GALNT17: variants seen among roughly 807,000 people sequenced by gnomAD.
The protein encoded by GALNT17 is UDP-GalNAc:polypeptide N-acetylgalactosaminyltransferase-like 3.
A neutral mutation model predicts 63.7 loss-of-function variants in GALNT17; 29 were observed. The ratio of observed to expected loss-of-function variants is 0.46; its 90% CI spans 0.34 to 0.62. GALNT17 has a LOEUF of 0.62. GALNT17 is among the 20% of genes least tolerant of loss of function. The pLI is 0.01. For missense variants in GALNT17, 603 were observed against 799.6 expected (o/e 0.75, Z 2.97); for synonymous variants, 305 against 318.3 (o/e 0.96, Z 0.45).
chr7:71,539,124 G>A (rs1022778801), intron 5 of GALNT17, among the ~76,000 whole-genome samples: 1 of 152,072 alleles, frequency 6.6e-6, no homozygotes, highest in African/African-American at 2.4e-5. Context: ...CAGAGACAAA[G>A]TTTCACCATG....
chr7:71,205,740 T>C (rs1253019862), intron 1 of GALNT17, among the ~76,000 whole-genome samples: 1 of 152,126 alleles, frequency 6.6e-6, no homozygotes, highest in African/African-American at 2.4e-5. Flanking sequence ...TTCAGTAGAG[T>C]TTCAGGATAT....
intron 5 of GALNT17, among the ~76,000 whole-genome samples, chr7:71,458,039 G>A (rs992183819): frequency 3.3e-5 from 5 of 152,002 alleles, no homozygotes; most frequent in Admixed American, 6.6e-5. Context: ...CCAGTAGGGC[G>A]CTCTGTTCTC....
chr7:71,696,499 C>A (rs1791548071), intron 9 of GALNT17, among the ~76,000 whole-genome samples: 1 of 152,154 alleles, frequency 6.6e-6, no homozygotes, highest in Non-Finnish European at 1.5e-5. Context: ...AATAGGAAAG[C>A]AATTGCAAGC....
intron 1 of GALNT17, among the ~76,000 whole-genome samples, chr7:71,229,504 T>G (rs932328505): frequency 6.6e-6 from 1 of 152,206 alleles, no homozygotes; most frequent in African/African-American, 2.4e-5. Context: ...GTTGTGAGCT[T>G]GGCTCTCTGA....
At chr7:71,447,135 T>C (rs1371275211) in intron 5 of GALNT17, among the ~76,000 whole-genome samples, 1 of 152,176 alleles carries the variant, frequency 6.6e-6, no homozygotes, top group Non-Finnish European at 1.5e-5. Context: ...TTACCCAGAG[T>C]AAGCATTCGA....
At chr7:71,416,820 A>G (rs1042139484) in intron 4 of GALNT17, among the ~76,000 whole-genome samples, 3 of 152,148 alleles carry the variant, frequency 2.0e-5, no homozygotes, top group Admixed American at 2.0e-4. Flanking sequence ...AATGTATGGG[A>G]TTATCTTTCA....
intron 5 of GALNT17, among the ~76,000 whole-genome samples, chr7:71,511,689 A>G (rs1021717542): frequency 1.3e-5 from 2 of 152,166 alleles, no homozygotes; most frequent in African/African-American, 4.8e-5. Flanking sequence ...CATCTACTGG[A>G]AAACCATCAT....
At chr7:71,435,267 C>T (rs1365808553) in intron 5 of GALNT17, among the ~76,000 whole-genome samples, 1 of 152,220 alleles carries the variant, frequency 6.6e-6, no homozygotes, top group Non-Finnish European at 1.5e-5. Context: ...GTGACTCCAT[C>T]TTCCTTCTAA....
At chr7:71,611,725 G>A (rs1790128237) in intron 6 of GALNT17, among the ~76,000 whole-genome samples, 1 of 152,120 alleles carries the variant, frequency 6.6e-6, no homozygotes, top group Non-Finnish European at 1.5e-5. Context: ...ATTATCTAGT[G>A]CCATGAAAAT....
chr7:71,285,631 G>A (rs1790859463), intron 1 of GALNT17, among the ~76,000 whole-genome samples: 1 of 152,164 alleles, frequency 6.6e-6, no homozygotes, highest in East Asian at 1.9e-4. Context: ...AAGCTCTCAG[G>A]AATGGGACTG....
At chr7:71,149,109 G>A (rs927334320) in intron 1 of GALNT17, among the ~76,000 whole-genome samples, 4 of 151,590 alleles carry the variant, frequency 2.6e-5, no homozygotes, top group African/African-American at 9.7e-5. Context: ...TTCTGGAGAC[G>A]GAGTCTTGCT....
intron 5 of GALNT17, among the ~76,000 whole-genome samples, chr7:71,517,494 C>T (rs1788463594): frequency 1.3e-5 from 2 of 152,142 alleles, no homozygotes; most frequent in South Asian, 4.1e-4. Flanking sequence ...GCCCACCTTA[C>T]CTTGATTTTA....
intron 2 of GALNT17, among the ~76,000 whole-genome samples, chr7:71,364,217 A>C (rs994924265): frequency 3.3e-5 from 5 of 152,130 alleles, no homozygotes; most frequent in African/African-American, 7.2e-5. Context: ...GGCTAAACTT[A>C]ATTTAACAGT....
intron 5 of GALNT17, among the ~76,000 whole-genome samples, chr7:71,501,204 A>T (rs1477708819): frequency 6.6e-6 from 1 of 151,942 alleles, no homozygotes; most frequent in Non-Finnish European, 1.5e-5. Context: ...CCTGGCCTCA[A>T]ATGATCCATC....
intron 5 of GALNT17, among the ~76,000 whole-genome samples, chr7:71,550,440 G>T (rs1032741040): frequency 4.6e-5 from 7 of 152,008 alleles, no homozygotes; most frequent in African/African-American, 1.7e-4. Context: ...GAGTGCAGTG[G>T]CGTGATTTTG....
intron 1 of GALNT17, among the ~76,000 whole-genome samples, chr7:71,264,506 G>A (rs1790451661): frequency 6.6e-6 from 1 of 152,124 alleles, no homozygotes; most frequent in African/African-American, 2.4e-5. Flanking sequence ...GGAAATCAGT[G>A]TGTCAGAGGG....
chr7:71,687,740 A>T (rs901810892), intron 9 of GALNT17, among the ~76,000 whole-genome samples: 3 of 152,106 alleles, frequency 2.0e-5, no homozygotes, highest in Non-Finnish European at 4.4e-5. Flanking sequence ...TTTTTTTATT[A>T]ATTAACTATA....
chr7:71,288,215 C>CAAAAAAAA (rs59555320), intron 1 of GALNT17, among the ~76,000 whole-genome samples: 3 of 83,838 alleles, frequency 3.6e-5, no homozygotes, highest in African/African-American at 1.1e-4. Context: ...GACTCCATCT[C>CAAAAAAAA]AAAAAAAAAA....
At chr7:71,302,902 C>T (rs1375033686) in intron 1 of GALNT17, among the ~76,000 whole-genome samples, 1 of 152,136 alleles carries the variant, frequency 6.6e-6, no homozygotes, top group East Asian at 1.9e-4. Context: ...CGTTCTGTCG[C>T]CCAGGCTGGA....
Sources: gnomAD v4.1 joint callset for allele counts (sites outside exome capture counted in the v4.1 genomes callset) on GRCh38, gnomAD v4.1.1 for gene constraint, MANE v1.5 for transcripts, NCBI Gene and HGNC (gene_info 2026-07-23, HGNC 2026-07-21) for gene names.